PLXNA4: variants seen among roughly 807,000 people sequenced by gnomAD.
PLXNA4 encodes the protein plexin A4.
PLXNA4 carries 44 observed loss-of-function variants against 191.8 expected under a neutral mutation model. The observed-to-expected ratio is 0.23, with a 90% CI of 0.18 to 0.29. The LOEUF is 0.29. PLXNA4 is among the 10% of genes least tolerant of loss of function. The pLI, the probability that PLXNA4 is intolerant of heterozygous loss-of-function variation, is 1.00. For missense variants in PLXNA4, 1,800 were observed against 2,488.8 expected (o/e 0.72, Z 5.89); for synonymous variants, 1,082 against 1,009.5 (o/e 1.07, Z -1.36).
At chr7:132,296,031 C>G (rs772418692) in intron 4 of PLXNA4, among the ~76,000 whole-genome samples, 7 of 152,186 alleles carry the variant, frequency 4.6e-5, no homozygotes, top group Non-Finnish European at 7.3e-5. Context: ...CACCTGTGGA[C>G]TTAATCATTG....
intron 2 of PLXNA4, among the ~76,000 whole-genome samples, chr7:132,490,244 C>T (rs1300865371): frequency 6.6e-6 from 1 of 152,162 alleles, no homozygotes; most frequent in African/African-American, 2.4e-5. Context: ...ACCCAGGTCC[C>T]CGATATGCTC....
At chr7:132,137,482 G>A (rs781196465) in intron 30 of PLXNA4, among the ~76,000 whole-genome samples, 9 of 152,234 alleles carry the variant, frequency 5.9e-5, no homozygotes, top group Non-Finnish European at 1.3e-4. Context: ...ATCACAACAC[G>A]CCACTTCATG....
intron 3 of PLXNA4, among the ~76,000 whole-genome samples, chr7:132,363,008 G>C (rs568701110): frequency 1.3e-5 from 2 of 151,956 alleles, no homozygotes; most frequent in South Asian, 4.1e-4. Context: ...TTTTTGAAAC[G>C]GAGTCTCACT....
intron 4 of PLXNA4, among the ~76,000 whole-genome samples, chr7:132,258,417 C>T (rs747670187): frequency 5.9e-5 from 9 of 152,196 alleles, no homozygotes; most frequent in Non-Finnish European, 1.2e-4. Context: ...TACTTCAGCA[C>T]GAATGGGCTG....
intron 4 of PLXNA4, among the ~76,000 whole-genome samples, chr7:132,270,462 T>C (rs1487329715): frequency 1.3e-5 from 2 of 152,208 alleles, no homozygotes; most frequent in Non-Finnish European, 2.9e-5. Flanking sequence ...GGCAGTGCAG[T>C]CTCATGAGTT....
chr7:132,644,472 A>G (rs1315140400), intron 2 of PLXNA4, among the ~76,000 whole-genome samples: 1 of 152,198 alleles, frequency 6.6e-6, no homozygotes, highest in Non-Finnish European at 1.5e-5. Flanking sequence ...GCTTCTGCCC[A>G]GTGTCCTCCT....
intron 9 of PLXNA4, among the ~76,000 whole-genome samples, chr7:132,218,585 C>T (rs2116934702): frequency 6.6e-6 from 1 of 152,226 alleles, no homozygotes; most frequent in East Asian, 1.9e-4. Context: ...CACCTTTGTT[C>T]CTCAAGCATC....
At chr7:132,648,417 T>G (rs1188055133) in intron 1 of PLXNA4, 1 of 152,254 alleles carries the variant, frequency 6.6e-6, no homozygotes, top group Non-Finnish European at 1.5e-5. Context: ...AAGAGCTGTA[T>G]CTCAGCTTTC....
At chr7:132,634,996 G>A (rs1487562332) in intron 2 of PLXNA4, among the ~76,000 whole-genome samples, 1 of 151,960 alleles carries the variant, frequency 6.6e-6, no homozygotes, top group Non-Finnish European at 1.5e-5. Context: ...GACGAGACTG[G>A]CCTAGCCTCC....
At chr7:132,385,531 G>A (rs1805092191) in intron 3 of PLXNA4, among the ~76,000 whole-genome samples, 1 of 152,140 alleles carries the variant, frequency 6.6e-6, no homozygotes, top group Admixed American at 6.5e-5. Flanking sequence ...TTGTTCCCTG[G>A]CCACGGATGT....
chr7:132,361,822 G>T (rs2116854987), intron 3 of PLXNA4, among the ~76,000 whole-genome samples: 1 of 151,944 alleles, frequency 6.6e-6, no homozygotes, highest in Admixed American at 6.5e-5. Flanking sequence ...TGGGGGTGTG[G>T]CTGTGTGTGT....
intron 3 of PLXNA4, among the ~76,000 whole-genome samples, chr7:132,469,362 A>G (rs886452367): frequency 2.0e-5 from 3 of 152,130 alleles, no homozygotes; most frequent in Non-Finnish European, 4.4e-5. Flanking sequence ...TGATAGCACA[A>G]AGTTCACCAT....
At position 132,246,806 on chromosome 7, in the gene PLXNA4, TC is replaced by T. The variant is rs1198792417; in HGVS notation, c.1504-5641del. Among the ~76,000 whole-genome samples, 23 of 139,316 alleles carry T rather than the reference TC, an allele frequency of 1.7e-4. No homozygotes were observed. In the South Asian group the frequency reaches 2.0e-3, roughly 12 times the overall value. The allele number at this position is 139,316 out of a possible 152,430, so 91.4% of individuals were successfully genotyped here. On this transcript the variant is annotated intron_variant, in intron 4 of 31. Coordinates refer to ENST00000321063, the MANE Select transcript of PLXNA4 (RefSeq NM_020911.2). The stretch of plus-strand genomic sequence containing the variant: ...ATCATCATCATCATCATCATCATCA[TC>T]CTCATCATCATCCTCATCACCATCT...
chr7:132,137,675 T>A (rs1288925111), intron 30 of PLXNA4, among the ~76,000 whole-genome samples: 1 of 150,598 alleles, frequency 6.6e-6, no homozygotes, highest in Non-Finnish European at 1.5e-5. Flanking sequence ...TACAAGGTAC[T>A]TGGAGGCAGG....
chr7:132,225,616 G>GCCCCCCC (rs35219127), intron 8 of PLXNA4, among the ~76,000 whole-genome samples: 2 of 149,744 alleles, frequency 1.3e-5, no homozygotes, highest in African/African-American at 5.0e-5. Flanking sequence ...GCCAGAGTCC[G>GCCCCCCC]CCCCCCCCCA....
chr7:132,229,769 G>A (rs1215438055), intron 5 of PLXNA4, among the ~76,000 whole-genome samples: 1 of 152,024 alleles, frequency 6.6e-6, no homozygotes, highest in Non-Finnish European at 1.5e-5. Flanking sequence ...CTTGGAGAGG[G>A]AACGACTGTC....
chr7:132,487,111 C>T (rs1049124978), intron 3 of PLXNA4, among the ~76,000 whole-genome samples: 2 of 152,190 alleles, frequency 1.3e-5, no homozygotes, highest in African/African-American at 4.8e-5. Flanking sequence ...GAGAAAATAA[C>T]TGTTTTGTTA....
At chr7:132,633,585 T>C (rs1803535769) in intron 2 of PLXNA4, among the ~76,000 whole-genome samples, 1 of 152,154 alleles carries the variant, frequency 6.6e-6, no homozygotes, top group Admixed American at 6.5e-5. Context: ...CCCACCAAGG[T>C]TCTCATTCTT....
Position 132,241,094 on chromosome 7 carries a change from G to A in PLXNA4, c.1576C>T (p.His526Tyr). ...TTGTGCAGCACACACCAGCCACAGT[G>A]GGGGTCGCCTGAGCCAAGGCACTCG... Reference protein sequence around the residue: ...CGECLGSGDPHCGWCVLHNTC... With the variant: ...CGECLGSGDPYCGWCVLHNTC... Residue 526 changes from histidine to tyrosine, a missense_variant, in exon 5 of 32, where the codon CAC (histidine) becomes TAC (tyrosine). His to Tyr is a moderately conservative substitution (Grantham distance 83). Around this residue, in one of 6 missense-constraint regions of PLXNA4, gnomAD observed 1,397 missense variants for 1,880.4 expected, o/e 0.74. Transcript: ENST00000321063. 1 of 1,613,268 alleles carries A rather than the reference G, an allele frequency of 6.2e-7. No individual in the cohort carries two copies. The highest frequency in any genetic ancestry group is 1.1e-5 in the South Asian group (1 of 90,932).
Sources: allele counts gnomAD v4.1 joint callset (sites outside exome capture counted in the v4.1 genomes callset), GRCh38; gene constraint gnomAD v4.1.1; regional missense constraint gnomAD v4.1.1; transcripts MANE v1.5; gene names NCBI Gene and HGNC (gene_info 2026-07-23, HGNC 2026-07-21).